Variants in C20orf203 observed in about 807,000 individuals in gnomAD.
The protein encoded by C20orf203 is uncharacterized protein C20orf203.
In C20orf203, 16 loss-of-function variants were observed where a neutral mutation model predicts 15.9. That is an observed-to-expected ratio of 1.01 (90% CI 0.68 to 1.53). C20orf203 has a LOEUF of 1.53. Ranked by LOEUF, C20orf203 falls within the 40% of genes most tolerant of loss-of-function variation. C20orf203 has a pLI of 0.00. For synonymous variants in C20orf203, 98 were observed against 97.2 expected (o/e 1.01, Z -0.05); for missense variants, 263 against 247.5 (o/e 1.06, Z -0.42).
intron 1 of C20orf203, among the ~76,000 whole-genome samples, chr20:32,660,709 A>C (rs1982870622): frequency 6.6e-6 from 1 of 152,154 alleles, no homozygotes; most frequent in African/African-American, 2.4e-5. Flanking sequence ...TCCCACTGTT[A>C]AAAGGACATA....
At position 32,644,066 on chromosome 20, in the gene C20orf203, G is replaced by A. The variant is rs141665767; in HGVS notation, c.*1178-3379C>T. Reference sequence around the variant, plus strand: ...ACTGGCCCAGGTCCCTTTCTACCCCGCACAGCTGCCTCTGGCTACCCCAAA... The same window carrying A: ...ACTGGCCCAGGTCCCTTTCTACCCCACACAGCTGCCTCTGGCTACCCCAAA... On this transcript the variant is annotated intron_variant, in intron 4 of 5. Transcript: ENST00000608990. Among the ~76,000 whole-genome samples, 217 of 152,228 alleles carry A rather than the reference G, an allele frequency of 1.4e-3. 1 individual carries two copies. The highest frequency in any genetic ancestry group is 4.8e-3 in the African/African-American group (201 of 41,522).
chr20:32,641,989 C>T (rs182377939), intron 4 of C20orf203, among the ~76,000 whole-genome samples: 36 of 152,238 alleles, frequency 2.4e-4, no homozygotes, highest in African/African-American at 8.4e-4. Context: ...AGGCACCAGG[C>T]ACACACCACC....
intron 1 of C20orf203, among the ~76,000 whole-genome samples, chr20:32,663,734 C>A (rs1001204261): frequency 6.6e-6 from 1 of 152,240 alleles, no homozygotes; most frequent in Admixed American, 6.5e-5. Context: ...CCCTCCACAG[C>A]CAGGATGGAG....
chr20:32,672,745 C>T (rs1334698823), intron 1 of C20orf203, among the ~76,000 whole-genome samples: 1 of 152,008 alleles, frequency 6.6e-6, no homozygotes, highest in Non-Finnish European at 1.5e-5. Context: ...ACCCTCCCCA[C>T]TCCCTCCCCT....
At chr20:32,634,426 G>A (rs936484143) in intron 5 of C20orf203, among the ~76,000 whole-genome samples, 156 bp from the exon 6 acceptor site, 3 of 152,124 alleles carry the variant, frequency 2.0e-5, no homozygotes, top group South Asian at 2.1e-4. Flanking sequence ...AGGTGTGGAC[G>A]CGTGGCTCTA....
At chr20:32,666,797 T>TTTTATA (rs367964394) in intron 1 of C20orf203, among the ~76,000 whole-genome samples, 749 of 65,614 alleles carry the variant, frequency 0.011, 126 homozygotes, top group Non-Finnish European at 0.02. Flanking sequence ...TAATTTTAAT[T>TTTTATA]TATATATATA....
At chr20:32,668,270 G>A (rs933255541) in intron 1 of C20orf203, among the ~76,000 whole-genome samples, 1 of 152,118 alleles carries the variant, frequency 6.6e-6, no homozygotes, top group South Asian at 2.1e-4. Context: ...CCAGGGATAG[G>A]AAGGGACCTA....
intron 1 of C20orf203, among the ~76,000 whole-genome samples, chr20:32,667,186 G>A (rs1839487506): frequency 1.3e-5 from 2 of 152,092 alleles, no homozygotes; most frequent in Non-Finnish European, 2.9e-5. Context: ...ATGAGGTAAG[G>A]TCGAAGCAGT....
chr20:32,642,225 G>T (rs1247383744), intron 4 of C20orf203, among the ~76,000 whole-genome samples: 1 of 152,156 alleles, frequency 6.6e-6, no homozygotes, highest in Admixed American at 6.5e-5. Flanking sequence ...ACTATCAAAT[G>T]GTGGACACTG....
At chr20:32,660,723 C>G (rs6057612) in intron 1 of C20orf203, among the ~76,000 whole-genome samples, 71,061 of 151,902 alleles carry the variant, frequency 0.47, 16,975 homozygotes, top group Middle Eastern at 0.55. Context: ...GGACATACCT[C>G]AGACTGGGTA....
At chr20:32,642,548 G>T (rs1405181696) in intron 4 of C20orf203, among the ~76,000 whole-genome samples, 1 of 152,228 alleles carries the variant, frequency 6.6e-6, no homozygotes. Flanking sequence ...TGTGTCCTTG[G>T]TGGCAGTAAT....
rs1467125136 is a variant in C20orf203, at chr20:32,650,722, C to T, written c.295G>A (p.Val99Ile). ...ACTTCCCCCCACCCCTCCCCACCAA[C>T]CCAAATCCTTTCCTGATAAGGGCCT... The part of the protein sequence containing the change: ...HPGPYQERIW[V>I]GGEGWGEVGG... The change falls in exon 4 of 6, where the codon GTT (valine) becomes ATT (isoleucine). Residue 99 changes from valine to isoleucine, a missense_variant. Transcript: ENST00000608990. 1 of 1,545,826 alleles carries T rather than the reference C, an allele frequency of 6.5e-7. No homozygotes were observed. Among genetic ancestry groups the T allele is most frequent in the Admixed American group, 2.0e-5 (1 of 50,680 alleles).
intron 1 of C20orf203, among the ~76,000 whole-genome samples, chr20:32,668,625 C>CA (rs933552756): frequency 9.7e-5 from 14 of 144,876 alleles, no homozygotes; most frequent in South Asian, 4.4e-4. Flanking sequence ...GACTCTGTCT[C>CA]AAAAAAAAAT....
Position 32,649,895 on chromosome 20 carries a change from C to T in C20orf203, c.*537G>A, listed in dbSNP as rs1366159823. 2 of 154,152 alleles carry T rather than the reference C, an allele frequency of 1.3e-5. No homozygotes were observed. The highest frequency in any genetic ancestry group is 1.9e-4 in the East Asian group (1 of 5,226). 9.5% of individuals were successfully genotyped at this position (154,152 alleles called of 1,614,324 possible). A position where few individuals can be genotyped will look rare whatever the true frequency, so the allele number is the denominator to read the frequency against. On this transcript the variant is annotated 3_prime_UTR_variant, in exon 4 of 6. Coordinates refer to ENST00000608990, the MANE Select transcript of C20orf203 (RefSeq NM_182584.4). ...AGCAGGCCTCAGCCCGCCCCGCTCCCTTGGCCCACAGCTTGGACTGGGCCT... is the reference window on the plus strand; with the variant it reads ...AGCAGGCCTCAGCCCGCCCCGCTCCTTTGGCCCACAGCTTGGACTGGGCCT...
chr20:32,651,549 C>A (rs1306307546), intron 2 of C20orf203, among the ~76,000 whole-genome samples, 184 bp downstream of exon 2: 2 of 152,160 alleles, frequency 1.3e-5, no homozygotes, highest in Non-Finnish European at 1.5e-5. Flanking sequence ...CCTGGGTTTC[C>A]CCATTTGCAA....
chr20:32,662,288 G>A (rs1057475468), intron 1 of C20orf203, among the ~76,000 whole-genome samples: 4 of 152,154 alleles, frequency 2.6e-5, no homozygotes, highest in Non-Finnish European at 5.9e-5. Flanking sequence ...TGCTCTGCAA[G>A]GAGCTATAGA....
intron 1 of C20orf203, among the ~76,000 whole-genome samples, chr20:32,669,386 C>T (rs1308522766): frequency 6.6e-6 from 1 of 152,226 alleles, no homozygotes; most frequent in East Asian, 1.9e-4. Context: ...GGCTGACCTG[C>T]TCCCTTCGTA....
chr20:32,641,587 G>A lies in C20orf203; in HGVS notation c.*1178-900C>T, dbSNP rs549059324. Among the ~76,000 whole-genome samples the A allele has an allele frequency of 1.5e-3, 227 of 152,090 alleles. 1 individual carries two copies. The highest frequency in any genetic ancestry group is 4.9e-3 in the African/African-American group (205 of 41,488). Reference sequence around the variant, plus strand: ...TGCACTATCTTACATTACCATCAGCGGTGTATGAGGGTTGCAATTTCTCTA... The same window carrying A: ...TGCACTATCTTACATTACCATCAGCAGTGTATGAGGGTTGCAATTTCTCTA... On this transcript the variant is annotated intron_variant, in intron 4 of 5. Coordinates refer to ENST00000608990, the MANE Select transcript of C20orf203 (RefSeq NM_182584.4).
intron 1 of C20orf203, among the ~76,000 whole-genome samples, chr20:32,668,575 G>A (rs535365668): frequency 4.6e-5 from 7 of 151,778 alleles, no homozygotes; most frequent in African/African-American, 1.4e-4. Flanking sequence ...GCAGTGAGCC[G>A]AGATTGAGCC....
Sources: gnomAD v4.1 joint callset for allele counts (sites outside exome capture counted in the v4.1 genomes callset) on GRCh38, gnomAD v4.1.1 for gene constraint, MANE v1.5 for transcripts, NCBI Gene and HGNC (gene_info 2026-07-23, HGNC 2026-07-21) for gene names.